Variants in ETFRF1 observed in about 807,000 individuals in gnomAD.
ETFRF1 encodes electron transfer flavoprotein regulatory factor 1, also known as LYR motif containing 5.
In ETFRF1, 12 loss-of-function variants were observed where a neutral mutation model predicts 9.0. The observed-to-expected ratio is 1.34, with a 90% confidence interval of 0.86 to 2.16. ETFRF1 has a LOEUF of 2.16. ETFRF1 is among the 30% of genes most tolerant of loss of function. The pLI, the probability that ETFRF1 is intolerant of heterozygous loss-of-function variation, is 0.00. For missense variants in ETFRF1, 98 were observed against 101.8 expected, an observed-to-expected ratio of 0.96 and a Z score of 0.16; for synonymous variants, 34 against 33.2, an observed-to-expected ratio of 1.02 and a Z score of -0.08.
intron 1 of ETFRF1, among the ~76,000 whole-genome samples, chr12:25,202,351 G>A (rs1298946760): frequency 6.6e-6 from 1 of 151,692 alleles, no homozygotes; most frequent in African/African-American, 2.4e-5. Flanking sequence ...GGCTGGCAAG[G>A]TAGTAGCCCA....
At chr12:25,202,933 AGAGGACC>A (rs1951087807) in intron 1 of ETFRF1, among the ~76,000 whole-genome samples, 1 of 152,198 alleles carries the variant, frequency 6.6e-6, no homozygotes, top group Non-Finnish European at 1.5e-5. Context: ...TTTGTCACTT[AGAGGACC>A]TGGGAACAGT....
At chr12:25,202,290 TACGTGGGGCTGAG>T (rs1951080634) in intron 1 of ETFRF1, among the ~76,000 whole-genome samples, 4 of 151,046 alleles carry the variant, frequency 2.6e-5, no homozygotes, top group South Asian at 4.2e-4. Context: ...CAAAAGTCAT[TACGTGGGGCTGAG>T]CAAGGCAGGC....
At chr12:25,200,660 T>C (rs960036409) in intron 1 of ETFRF1, among the ~76,000 whole-genome samples, 4 of 152,154 alleles carry the variant, frequency 2.6e-5, no homozygotes, top group African/African-American at 9.7e-5. Context: ...ATCAAACAGA[T>C]AGAGGGAGCC....
In ETFRF1 at chr12:25,203,950, A is replaced by G. The variant is rs1006336847; in HGVS notation, c.-7A>G. 1.4e-6 allele frequency: 2 copies of G among 1,457,554 alleles called. No individual in the cohort carries two copies. The highest frequency in any genetic ancestry group is 1.8e-6 in the Non-Finnish European group (2 of 1,104,940). The allele number at this position is 1,457,554 out of a possible 1,614,324, so 90.3% of individuals were successfully genotyped here. A position where few individuals can be genotyped will look rare whatever the true frequency, so the allele number is the denominator to read the frequency against. On this transcript the variant is annotated 5_prime_UTR_variant, in exon 2 of 3. An upstream start codon of the reference 5' UTR is lost. Coordinates refer to ENST00000381356, the MANE Select transcript of ETFRF1 (RefSeq NM_001001660.3). ...TTATGCATAAAAGTGGATAATTTAC[A>G]TGATAAATGAAAATGGCCAATTCTT...
intron 1 of ETFRF1, among the ~76,000 whole-genome samples, chr12:25,197,534 G>A (rs1041177738): frequency 1.1e-4 from 17 of 152,162 alleles, no homozygotes; most frequent in African/African-American, 3.6e-4. Context: ...GAACAATCAC[G>A]GCTCACTACA....
rs1427899139 is a variant in ETFRF1, at chr12:25,203,981, G to A, written c.25G>A (p.Gly9Arg). Residue 9 changes from glycine (G) to arginine (R), a missense_variant, in exon 2 of 3, where the codon GGA becomes AGA. By Grantham distance (125) the Gly-to-Arg change is moderately radical. Coordinates refer to ENST00000381356, the MANE Select transcript of ETFRF1 (RefSeq NM_001001660.3). ...AATGAAAATGGCCAATTCTTTAAGAGGAGAAGTACTAAAACTTTATAAAAA... is the reference window on the plus strand; with the variant it reads ...AATGAAAATGGCCAATTCTTTAAGAAGAGAAGTACTAAAACTTTATAAAAA... Reference protein sequence around the residue: MKMANSLRGEVLKLYKNLL... With the variant: MKMANSLRREVLKLYKNLL... 6.7e-6 allele frequency: 10 copies of A among 1,490,416 alleles called. No individual in the cohort carries two copies. Among genetic ancestry groups the A allele is most frequent in the African/African-American group, 5.7e-5 (4 of 70,116 alleles). 92.3% of individuals were successfully genotyped at this position (1,490,416 alleles called of 1,614,324 possible).
intron 1 of ETFRF1, among the ~76,000 whole-genome samples, chr12:25,200,654 A>C (rs980299429): frequency 6.6e-6 from 1 of 152,236 alleles, no homozygotes; most frequent in Non-Finnish European, 1.5e-5. Flanking sequence ...CAAGCTATCA[A>C]ACAGATAGAG....
chr12:25,199,001 A>G (rs1951052966), intron 1 of ETFRF1, among the ~76,000 whole-genome samples: 1 of 152,102 alleles, frequency 6.6e-6, no homozygotes, highest in African/African-American at 2.4e-5. Flanking sequence ...TTCTACTTCC[A>G]TGTGTTATTT....
chr12:25,200,452 C>G (rs981237242), intron 1 of ETFRF1, among the ~76,000 whole-genome samples: 4 of 152,170 alleles, frequency 2.6e-5, no homozygotes, highest in African/African-American at 9.7e-5. Flanking sequence ...CAACACATCA[C>G]TAACATTTCA....
chr12:25,201,643 G>A (rs1042311478), intron 1 of ETFRF1, among the ~76,000 whole-genome samples: 11 of 151,982 alleles, frequency 7.2e-5, no homozygotes, highest in African/African-American at 4.8e-5. Flanking sequence ...TGTCTAATAC[G>A]TATAAAAATT....
intron 1 of ETFRF1, among the ~76,000 whole-genome samples, chr12:25,197,052 A>C (rs1951032782): frequency 6.6e-6 from 1 of 152,018 alleles, no homozygotes; most frequent in African/African-American, 2.4e-5. Context: ...GCTGCTCTGG[A>C]GGCTGAGACG....
At chr12:25,199,875 G>GT (rs1684624160) in intron 1 of ETFRF1, among the ~76,000 whole-genome samples, 1 of 151,846 alleles carries the variant, frequency 6.6e-6, no homozygotes, top group South Asian at 2.1e-4. Flanking sequence ...GAACAACTCA[G>GT]TAGAACACTT....
chr12:25,196,991 A>G (rs1448139228), intron 1 of ETFRF1, among the ~76,000 whole-genome samples: 1 of 152,036 alleles, frequency 6.6e-6, no homozygotes, highest in Non-Finnish European at 1.5e-5. Context: ...CGTCTCTACT[A>G]AAATAATACA....
At chr12:25,201,473 A>G (rs1323476173) in intron 1 of ETFRF1, among the ~76,000 whole-genome samples, 2 of 152,202 alleles carry the variant, frequency 1.3e-5, no homozygotes, top group Non-Finnish European at 2.9e-5. Flanking sequence ...GAGAATAAGC[A>G]GGAAGTCATT....
At chr12:25,200,809 G>A (rs1036419401) in intron 1 of ETFRF1, among the ~76,000 whole-genome samples, 1 of 152,194 alleles carries the variant, frequency 6.6e-6, no homozygotes, top group Non-Finnish European at 1.5e-5. Flanking sequence ...TCAACATAGA[G>A]GATAGGCAAG....
In ETFRF1 at chr12:25,195,356, C is replaced by T. The variant is rs979342564; in HGVS notation, c.-38+19C>T. 6 of 591,860 alleles carry T rather than the reference C, an allele frequency of 1.0e-5. No individual in the cohort carries two copies. In the East Asian group the frequency reaches 1.1e-4, roughly 11 times the overall value. 36.7% of individuals were successfully genotyped at this position (591,860 alleles called of 1,614,324 possible). The stretch of plus-strand genomic sequence containing the variant: ...CCGGAAAGTGCGTGAGTGCCGCCGC[C>T]GGGGAGTTTTGTTCCATTTCCCGGA... On this transcript the variant is annotated intron_variant, in intron 1 of 2. Coordinates refer to ENST00000381356, the MANE Select transcript of ETFRF1 (RefSeq NM_001001660.3).
chr12:25,200,850 T>TA (rs1951068632), intron 1 of ETFRF1, among the ~76,000 whole-genome samples: 1 of 152,226 alleles, frequency 6.6e-6, no homozygotes, highest in African/African-American at 2.4e-5. Context: ...TCAAGTAGGA[T>TA]TCCAGCACCA....
In ETFRF1 at chr12:25,204,177, G is replaced by A; in HGVS notation, c.138G>A (p.Val46=). The A allele has an allele frequency of 6.2e-7, 1 of 1,613,244 alleles. No homozygotes were observed. The highest frequency in any genetic ancestry group is 8.5e-7 in the Non-Finnish European group (1 of 1,179,556). The change falls in exon 3 of 3, where the codon GTG becomes GTA. Residue 46 remains valine (V), a synonymous_variant. Coordinates refer to ENST00000381356, the MANE Select transcript of ETFRF1 (RefSeq NM_001001660.3). ...ACATTTTCCTTAAAAACAAAGATGTGAAGAATCCAGAGAAGATCAAAGAAC... is the reference window on the plus strand; with the variant it reads ...ACATTTTCCTTAAAAACAAAGATGTAAAGAATCCAGAGAAGATCAAAGAAC... ...LKNIFLKNKD[V]KNPEKIKELI...
rs1014393043 is a variant in ETFRF1 at position 25,204,300 on chromosome 12, CA to C, written c.265del (p.Thr89LeufsTer24). On this transcript the variant is annotated frameshift_variant, in exon 3 of 3. Coordinates refer to ENST00000381356, the MANE Select transcript of ETFRF1 (RefSeq NM_001001660.3). LOFTEE classifies it high-confidence loss of function. ...AACAACGCTATTATTCAGATACCAA[CA>C]AAACTAATTGATCATTACTACTTTA... is the stretch of plus-strand genomic sequence containing the variant. The part of the protein sequence containing the change: ...MKQRYYSDTN[K>X]TN 6.4e-7 allele frequency: 1 copy of C among 1,572,608 alleles called. No individual in the cohort carries two copies. The highest frequency in any genetic ancestry group is 1.4e-5 in the African/African-American group (1 of 72,606).
Sources: gnomAD v4.1 joint callset for allele counts (sites outside exome capture counted in the v4.1 genomes callset) on GRCh38, gnomAD v4.1.1 for gene constraint, MANE v1.5 for transcripts, NCBI Gene and HGNC (gene_info 2026-07-23, HGNC 2026-07-21) for gene names.